Variants in SMC1B observed in about 807,000 individuals in gnomAD.
The protein encoded by SMC1B is structural maintenance of chromosomes protein 1B.
SMC1B carries 60 observed loss-of-function variants against 157.9 expected under a neutral mutation model. The observed-to-expected ratio is 0.38, with a 90% CI of 0.31 to 0.47. The LOEUF (loss-of-function observed/expected upper bound fraction) is 0.47. SMC1B is among the 20% of genes least tolerant of loss of function. The pLI is 0.99. For missense variants in SMC1B, 1,165 were observed against 1,426.2 expected (o/e 0.82, Z 2.95); for synonymous variants, 445 against 483.0 (o/e 0.92, Z 1.03).
At chr22:45,383,277 T>C (rs1296030932) in intron 12 of SMC1B, among the ~76,000 whole-genome samples, 190 bp downstream of exon 12, 1 of 152,218 alleles carries the variant, frequency 6.6e-6, no homozygotes, top group African/African-American at 2.4e-5. Flanking sequence ...TATCAAACTG[T>C]GTTTAGTAAA....
rs1424538123 is a variant in SMC1B, at chr22:45,344,080, T to C, written c.*476A>G. On this transcript the variant is annotated 3_prime_UTR_variant, in exon 25 of 25. Coordinates refer to ENST00000357450, the MANE Select transcript of SMC1B (RefSeq NM_148674.5). Reference sequence around the variant, plus strand: ...TGGAGACATTTGAAATTAGAACATTTTTTATTGATATTTTCAATACTAACA... The same window carrying C: ...TGGAGACATTTGAAATTAGAACATTCTTTATTGATATTTTCAATACTAACA... 1 of 152,282 alleles carries C rather than the reference T, an allele frequency of 6.6e-6. No individual in the cohort carries two copies. Among genetic ancestry groups the C allele is most frequent in the African/African-American group, 2.4e-5 (1 of 41,466 alleles). The allele number at this position is 152,282 out of a possible 1,614,324, so 9.4% of individuals were successfully genotyped here.
intron 19 of SMC1B, among the ~76,000 whole-genome samples, chr22:45,356,784 C>T (rs1052431844): frequency 2.8e-5 from 4 of 142,428 alleles, no homozygotes; most frequent in Non-Finnish European, 6.0e-5. Flanking sequence ...GGCTGGAGTG[C>T]AGTGGCACAA....
At chr22:45,367,805 G>T (rs893766348) in intron 15 of SMC1B, among the ~76,000 whole-genome samples, 2 of 152,188 alleles carry the variant, frequency 1.3e-5, no homozygotes, top group South Asian at 4.1e-4. Flanking sequence ...CACCACAGAT[G>T]TAAGTCCAAT....
At chr22:45,390,390 G>T (rs2087043371) in intron 9 of SMC1B, among the ~76,000 whole-genome samples, 1 of 152,182 alleles carries the variant, frequency 6.6e-6, no homozygotes, top group Non-Finnish European at 1.5e-5. Context: ...ATTTAACAGG[G>T]ACCAGGTTGG....
At chr22:45,369,814 G>A (rs937969696) in intron 15 of SMC1B, 140 bp downstream of exon 15, 1 of 549,200 alleles carries the variant, frequency 1.8e-6, no homozygotes, top group Non-Finnish European at 3.2e-6. Flanking sequence ...AAAGTGCTGG[G>A]ATTACAAGCG....
chr22:45,393,016 C>T (rs7284306), intron 9 of SMC1B, among the ~76,000 whole-genome samples: 74,360 of 151,798 alleles, frequency 0.49, 21,060 homozygotes, highest in African/African-American at 0.79. Flanking sequence ...TGTTTCAAAA[C>T]AGAGCAGTGG....
intron 12 of SMC1B, among the ~76,000 whole-genome samples, chr22:45,373,027 A>G (rs1428417288): frequency 6.6e-6 from 1 of 152,108 alleles, no homozygotes; most frequent in Non-Finnish European, 1.5e-5. Context: ...CCAGGTCTTC[A>G]GATAAACTCT....
chr22:45,377,748 C>G (rs1345393291), intron 12 of SMC1B, among the ~76,000 whole-genome samples: 1 of 151,882 alleles, frequency 6.6e-6, no homozygotes, highest in Non-Finnish European at 1.5e-5. Flanking sequence ...GTTGTCCAGG[C>G]TGGTCTCGAA....
In SMC1B at chr22:45,349,727, C is replaced by A; in HGVS notation, c.3495+1G>T. On this transcript the variant is annotated splice_donor_variant, in intron 23 of 24. Coordinates refer to ENST00000357450, the MANE Select transcript of SMC1B (RefSeq NM_148674.5). LOFTEE classifies it high-confidence loss of function. ...ATTGAAAATGAAAAGCAGAAACTTA[C>A]TTTGCCTATGTTAGTATTGTCTAGG... is the stretch of plus-strand genomic sequence containing the variant. 6.2e-7 allele frequency: 1 copy of A among 1,611,014 alleles called. No individual in the cohort carries two copies. Among genetic ancestry groups the A allele is most frequent in the Non-Finnish European group, 8.5e-7 (1 of 1,178,318 alleles).
intron 1 of SMC1B, among the ~76,000 whole-genome samples, chr22:45,409,161 A>T (rs1270284203): frequency 6.6e-6 from 1 of 152,232 alleles, no homozygotes; most frequent in African/African-American, 2.4e-5. Context: ...GTTAGGTATC[A>T]CACCATGGCA....
chr22:45,346,533 G>A (rs1196788756), intron 23 of SMC1B, among the ~76,000 whole-genome samples: 2 of 152,214 alleles, frequency 1.3e-5, no homozygotes. Flanking sequence ...TTCTCCATGT[G>A]CACCAAAGAT....
chr22:45,412,956 C>T (rs770899525), intron 1 of SMC1B, among the ~76,000 whole-genome samples: 91 of 152,200 alleles, frequency 6.0e-4, no homozygotes, highest in Non-Finnish European at 7.3e-4. Context: ...ACGCGAGTGA[C>T]CAGGGCCAAG....
At chr22:45,396,601 A>G in intron 6 of SMC1B, 115 bp from the exon 7 acceptor site, 1 of 795,802 alleles carries the variant, frequency 1.3e-6, no homozygotes, top group Non-Finnish European at 1.8e-6. Flanking sequence ...CTTGCTTTAT[A>G]TAAATTAAAT....
chr22:45,393,965 T>A, intron 8 of SMC1B, 124 bp from the exon 9 acceptor site: 1 of 645,796 alleles, frequency 1.5e-6, no homozygotes, highest in Non-Finnish European at 2.6e-6. Flanking sequence ...TTTTAAAGGG[T>A]AAAAAATGCA....
At chr22:45,397,974 A>G (rs532974783) in intron 6 of SMC1B, among the ~76,000 whole-genome samples, 62 of 152,260 alleles carry the variant, frequency 4.1e-4, no homozygotes, top group Middle Eastern at 3.4e-3. Flanking sequence ...GAAGGCTGAA[A>G]CACTGTGGCC....
At chr22:45,394,253 G>A (rs1342817735) in intron 8 of SMC1B, among the ~76,000 whole-genome samples, 1 of 152,036 alleles carries the variant, frequency 6.6e-6, no homozygotes, top group African/African-American at 2.4e-5. Flanking sequence ...TGAGCCCAGT[G>A]GGTGCAGGCT....
intron 21 of SMC1B, among the ~76,000 whole-genome samples, chr22:45,353,404 GAA>G (rs1215064668): frequency 1.3e-5 from 2 of 151,858 alleles, no homozygotes; most frequent in African/African-American, 4.8e-5. Context: ...AAGAAAATGA[GAA>G]AACAAAAGCA....
In SMC1B at chr22:45,365,226, C is replaced by G. The variant is rs77960504; in HGVS notation, c.2421-2200G>C. Among the ~76,000 whole-genome samples the G allele has an allele frequency of 9.7e-3, 1,478 of 152,172 alleles. 19 individuals are homozygous for G. Among genetic ancestry groups the G allele is most frequent in the African/African-American group, 0.034 (1,391 of 41,518 alleles). On this transcript the variant is annotated intron_variant, in intron 15 of 24. Coordinates refer to ENST00000357450, the MANE Select transcript of SMC1B (RefSeq NM_148674.5). ...AGTGCCATTTATATACGGACATTCC[C>G]AAAATTTATACCTCTAGCCTGGGCC...
chr22:45,344,776 A>G (rs1393839843), intron 24 of SMC1B, 119 bp from the exon 25 acceptor site: 2 of 612,810 alleles, frequency 3.3e-6, no homozygotes, highest in African/African-American at 1.8e-5. Context: ...ACCTAGTAAG[A>G]TATCTGCATT....
Sources: gnomAD v4.1 joint callset for allele counts (sites outside exome capture counted in the v4.1 genomes callset) on GRCh38, gnomAD v4.1.1 for gene constraint, MANE v1.5 for transcripts, NCBI Gene and HGNC (gene_info 2026-07-23, HGNC 2026-07-21) for gene names.